The following AUTS2 variants were observed in gnomAD, a reference collection of about 807,000 sequenced individuals.
The protein encoded by AUTS2 is activator of transcription and developmental regulator AUTS2, also known as autism susceptibility gene 2 protein.
A neutral mutation model predicts 112.4 loss-of-function variants in AUTS2; 17 were observed. The observed-to-expected ratio is 0.15, with a 90% CI of 0.10 to 0.23. AUTS2 has a LOEUF of 0.23. AUTS2 is among the 10% of genes least tolerant of loss of function. AUTS2 has a pLI of 1.00. For missense variants in AUTS2, 1,510 were observed against 1,701.6 expected, an observed-to-expected ratio of 0.89 and a Z score of 1.98; for synonymous variants, 751 against 702.7, an observed-to-expected ratio of 1.07 and a Z score of -1.09.
At chr7:70,626,358 TAAAAAAAA>T (rs10572995) in intron 5 of AUTS2, among the ~76,000 whole-genome samples, 4 of 113,364 alleles carry the variant, frequency 3.5e-5, no homozygotes, top group Non-Finnish European at 5.2e-5. Flanking sequence ...ACCTTGTTTC[TAAAAAAAA>T]AAAAAAAAAA....
intron 5 of AUTS2, among the ~76,000 whole-genome samples, chr7:70,674,259 A>G (rs1275325617): frequency 1.3e-5 from 2 of 152,282 alleles, no homozygotes; most frequent in South Asian, 2.1e-4. Context: ...ATATTCACAA[A>G]TGTTCATTTC....
Position 70,771,592 on chromosome 7 carries a change from T to C in AUTS2, c.1778T>C (p.Met593Thr). The change falls in exon 11 of 19, where the codon ATG (methionine) becomes ACG (threonine). Residue 593 changes from methionine to threonine, a missense_variant. By Grantham distance (81) the Met-to-Thr change is moderately conservative. Around this residue, in one of 3 missense-constraint regions of AUTS2, gnomAD observed 187 missense variants for 309.7 expected, o/e 0.60. Transcript: ENST00000342771. ...YPPAVSGIPP[M>T]IPPTGPFGSL... ...CCTGCAGTGTCGGGCATCCCCCCTA[T>C]GATCCCACCCACTGGCCCTTTTGGT... 3 of 1,613,876 alleles carry C rather than the reference T, an allele frequency of 1.9e-6. No individual in the cohort carries two copies. The highest frequency in any genetic ancestry group is 2.5e-6 in the Non-Finnish European group (3 of 1,179,800).
intron 5 of AUTS2, among the ~76,000 whole-genome samples, chr7:70,681,987 G>C (rs1239591536): frequency 6.6e-6 from 1 of 152,176 alleles, no homozygotes; most frequent in Non-Finnish European, 1.5e-5. Flanking sequence ...TGGCTTTGGG[G>C]TTGTTCCCTA....
At chr7:70,205,525 C>T (rs1294307304) in intron 4 of AUTS2, among the ~76,000 whole-genome samples, 3 of 152,084 alleles carry the variant, frequency 2.0e-5, no homozygotes, top group Non-Finnish European at 4.4e-5. Flanking sequence ...AAATACTTGC[C>T]ATTATGTTAC....
chr7:69,958,424 G>A (rs1205316787), intron 2 of AUTS2, among the ~76,000 whole-genome samples: 1 of 152,106 alleles, frequency 6.6e-6, no homozygotes, highest in Non-Finnish European at 1.5e-5. Flanking sequence ...ACTTAGCCAT[G>A]GACTGTTTGG....
At chr7:70,752,045 G>A (rs1201530657) in intron 6 of AUTS2, among the ~76,000 whole-genome samples, 1 of 136,318 alleles carries the variant, frequency 7.3e-6, no homozygotes, top group East Asian at 2.2e-4. Context: ...GGTTTTAAGG[G>A]TGGCTGTGCT....
In AUTS2 at chr7:69,767,022, A is replaced by G. The variant is rs142426142; in HGVS notation, c.310-132264A>G. On this transcript the variant is annotated intron_variant, in intron 1 of 18. Coordinates refer to ENST00000342771, the MANE Select transcript of AUTS2 (RefSeq NM_015570.4). ...TACTATATGCTTGAGGAAGAACTGAAGACTGTATCATGGAATGAGCTGCCC... is the reference window on the plus strand; with the variant it reads ...TACTATATGCTTGAGGAAGAACTGAGGACTGTATCATGGAATGAGCTGCCC... Among the ~76,000 whole-genome samples, 34 of 152,358 alleles carry G rather than the reference A, an allele frequency of 2.2e-4. No homozygotes were observed. The East Asian group carries it at 6.4e-3, about 29-fold the overall frequency.
In AUTS2 at chr7:70,501,389, A is replaced by G. The variant is rs551800653; in HGVS notation, c.690+65608A>G. On this transcript the variant is annotated intron_variant, in intron 5 of 18. Transcript: ENST00000342771. ...TGGATCGGCTGCCTCCTTCTAGCCT[A>G]TGAGATAGCCTGTTAGCTTCCCTTG... Among the ~76,000 whole-genome samples the G allele has an allele frequency of 3.7e-4, 57 of 152,266 alleles. 1 individual carries two copies. The highest frequency in any genetic ancestry group is 3.7e-3 in the Admixed American group (56 of 15,304).
chr7:70,122,353 ATAAT>A (rs1805726620), intron 3 of AUTS2, among the ~76,000 whole-genome samples: 1 of 152,224 alleles, frequency 6.6e-6, no homozygotes, highest in South Asian at 2.1e-4. Context: ...AAATGTAAAA[ATAAT>A]TAGGGCTGTA....
chr7:69,888,967 G>A (rs1050467293), intron 1 of AUTS2, among the ~76,000 whole-genome samples: 1 of 152,300 alleles, frequency 6.6e-6, no homozygotes, highest in Admixed American at 6.5e-5. Flanking sequence ...ATGGAAGTCC[G>A]AGAGGGGAAG....
intron 5 of AUTS2, among the ~76,000 whole-genome samples, chr7:70,561,432 C>G (rs1486298013): frequency 6.6e-6 from 1 of 152,162 alleles, no homozygotes; most frequent in Non-Finnish European, 1.5e-5. Context: ...TGAGGCCAGT[C>G]TGGGCAGCAT....
At chr7:70,206,984 TTACA>T (rs1810609093) in intron 4 of AUTS2, among the ~76,000 whole-genome samples, 1 of 152,200 alleles carries the variant, frequency 6.6e-6, no homozygotes, top group Non-Finnish European at 1.5e-5. Flanking sequence ...CAGCAGATAC[TTACA>T]TTACTTTGGC....
intron 2 of AUTS2, among the ~76,000 whole-genome samples, chr7:70,049,182 T>G (rs541890155): frequency 6.6e-6 from 1 of 152,336 alleles, no homozygotes; most frequent in African/African-American, 2.4e-5. Flanking sequence ...ACTTATAGGC[T>G]GACTTATAGG....
In AUTS2 at chr7:70,768,026, T is replaced by G. The variant is rs1265351646; in HGVS notation, c.1692T>G (p.Phe564Leu). The change falls in exon 10 of 19, where the codon TTT becomes TTG. Residue 564 changes from phenylalanine (F) to leucine (L), a missense_variant and splice_region_variant. Phe to Leu is a conservative substitution (Grantham distance 22). Transcript: ENST00000342771. ...AIMPTPAPPM[F>L]DKYPTKVDPF... ...CTTTTGCTTTGATCCCTTTACAGTT[T>G]GACAAATACCCTACAAAAGTTGACC... is the stretch of plus-strand genomic sequence containing the variant. 6 of 1,611,042 alleles carry G rather than the reference T, an allele frequency of 3.7e-6. No homozygotes were observed. The highest frequency in any genetic ancestry group is 5.1e-6 in the Non-Finnish European group (6 of 1,178,932).
intron 1 of AUTS2, among the ~76,000 whole-genome samples, chr7:69,647,671 C>A (rs1795090237): frequency 6.6e-6 from 1 of 152,196 alleles, no homozygotes; most frequent in Non-Finnish European, 1.5e-5. Flanking sequence ...CAGTGCCACT[C>A]TTAATAGAAG....
At chr7:70,341,980 C>A (rs1416335790) in intron 4 of AUTS2, among the ~76,000 whole-genome samples, 1 of 152,196 alleles carries the variant, frequency 6.6e-6, no homozygotes, top group Non-Finnish European at 1.5e-5. Flanking sequence ...TATAGTTCAG[C>A]ATGGCTGCCT....
chr7:69,829,553 C>T (rs1423220531), intron 1 of AUTS2, among the ~76,000 whole-genome samples: 1 of 151,802 alleles, frequency 6.6e-6, no homozygotes, highest in Non-Finnish European at 1.5e-5. Context: ...AAAAAAACAC[C>T]ACCACCAAAA....
intron 6 of AUTS2, among the ~76,000 whole-genome samples, chr7:70,747,141 G>C (rs1234192318): frequency 6.6e-6 from 1 of 152,178 alleles, no homozygotes; most frequent in Non-Finnish European, 1.5e-5. Context: ...AGGTTAATTT[G>C]TGTAGCTGCT....
At chr7:70,148,299 T>C (rs1425742863) in intron 4 of AUTS2, among the ~76,000 whole-genome samples, 2 of 152,114 alleles carry the variant, frequency 1.3e-5, no homozygotes, top group African/African-American at 4.8e-5. Context: ...GTTTATAAAA[T>C]CAGAATTGTT....
Sources: allele counts gnomAD v4.1 joint callset (sites outside exome capture counted in the v4.1 genomes callset), GRCh38; gene constraint gnomAD v4.1.1; regional missense constraint gnomAD v4.1.1; transcripts MANE v1.5; gene names NCBI Gene and HGNC (gene_info 2026-07-23, HGNC 2026-07-21).